RGS11: variants seen among roughly 807,000 people sequenced by gnomAD.
RGS11 encodes the protein regulator of G protein signaling 11.
In RGS11, 86 loss-of-function variants were observed where a neutral mutation model predicts 71.1. The ratio of observed to expected loss-of-function variants is 1.21; its 90% confidence interval spans 1.02 to 1.45. The LOEUF is 1.45. RGS11 is among the 40% of genes most tolerant of loss of function. The pLI is 0.00. For missense variants in RGS11, 734 were observed against 635.1 expected, an observed-to-expected ratio of 1.16 and a Z score of -1.67; for synonymous variants, 298 against 254.2, an observed-to-expected ratio of 1.17 and a Z score of -1.64.
chr16:272,755 C>T (rs1357645731), intron 9 of RGS11, 108 bp downstream of exon 9: 3 of 1,521,770 alleles, frequency 2.0e-6, no homozygotes, highest in African/African-American at 1.4e-5. Context: ...ACCAAGTGCC[C>T]TCTGGGTGGA....
chr16:274,121 C>T lies in RGS11; in HGVS notation c.371-20G>A, dbSNP rs898253698. 6.4e-7 allele frequency: 1 copy of T among 1,558,182 alleles called. No homozygotes were observed. The highest frequency in any genetic ancestry group is 8.7e-7 in the Non-Finnish European group (1 of 1,151,224). On this transcript the variant is annotated intron_variant, in intron 5 of 16. Coordinates refer to ENST00000397770, the MANE Select transcript of RGS11 (RefSeq NM_183337.3). Reference sequence around the variant, plus strand: ...AGATGGCTGGAAGAACAGGGACAGCCTGCAGAGGGGCCAGCTCTGCCCTGC... The same window carrying T: ...AGATGGCTGGAAGAACAGGGACAGCTTGCAGAGGGGCCAGCTCTGCCCTGC...
chr16:269,657 A>T, intron 15 of RGS11, 72 bp from the exon 16 acceptor site: 1 of 1,224,884 alleles, frequency 8.2e-7, no homozygotes, highest in Non-Finnish European at 1.2e-6. Context: ...CCGAAGGAGC[A>T]GCCAAACATT....
intron 15 of RGS11, 60 bp from the exon 16 acceptor site, chr16:269,645 A>C (rs2141399360): frequency 6.1e-6 from 8 of 1,317,188 alleles, no homozygotes; most frequent in Non-Finnish European, 7.6e-6. Flanking sequence ...AGCCAGCTCC[A>C]CCCGAAGGAG....
At chr16:269,648 C>A in intron 15 of RGS11, 63 bp from the exon 16 acceptor site, 2 of 1,301,346 alleles carry the variant, frequency 1.5e-6, no homozygotes, top group Admixed American at 1.8e-5. Flanking sequence ...CAGCTCCACC[C>A]GAAGGAGCAG....
chr16:269,596 C>A lies in RGS11; in HGVS notation c.1207-11G>T. The A allele has an allele frequency of 6.2e-7, 1 of 1,607,086 alleles. No individual in the cohort carries two copies. The highest frequency in any genetic ancestry group is 8.5e-7 in the Non-Finnish European group (1 of 1,174,434). On this transcript the variant is annotated splice_polypyrimidine_tract_variant and intron_variant, in intron 15 of 16. Coordinates refer to ENST00000397770, the MANE Select transcript of RGS11 (RefSeq NM_183337.3). ...CCTTGGGTAGGAGTCCTACAAGAGACAGCGTCCAGCCCCTGACCCTTCTGC... is the reference window on the plus strand; with the variant it reads ...CCTTGGGTAGGAGTCCTACAAGAGAAAGCGTCCAGCCCCTGACCCTTCTGC...
intron 1 of RGS11, 69 bp downstream of exon 1, chr16:275,780 C>A: frequency 2.1e-6 from 1 of 482,902 alleles, no homozygotes; most frequent in South Asian, 7.8e-5. Context: ...TGTCCCCATG[C>A]TCTCCGGCCC....
chr16:275,635 G>C (rs1353720223), intron 1 of RGS11, 137 bp from the exon 2 acceptor site: 3 of 800,044 alleles, frequency 3.7e-6, no homozygotes, highest in African/African-American at 4.3e-5. Flanking sequence ...AGCTGGCGGC[G>C]GGGACGCGGG....
intron 15 of RGS11, among the ~76,000 whole-genome samples, chr16:270,149 T>G (rs7501244): frequency 0.23 from 34,093 of 151,386 alleles, 6,945 homozygotes; most frequent in African/African-American, 0.54. Context: ...CTCAGGAGGC[T>G]GAGGCAGGAG....
At chr16:274,016 C>CT (rs1349520825) in intron 6 of RGS11, 27 bp downstream of exon 6, 2 of 1,358,224 alleles carry the variant, frequency 1.5e-6, no homozygotes, top group African/African-American at 3.4e-5. Context: ...TGTACCCAGC[C>CT]GGGGCGGGAA....
At position 268,621 on chromosome 16, in the gene RGS11, G is replaced by T; in HGVS notation, c.*648C>A. On this transcript the variant is annotated 3_prime_UTR_variant, in exon 17 of 17. Coordinates refer to ENST00000397770, the MANE Select transcript of RGS11 (RefSeq NM_183337.3). ...CAATGTCAGAGTTGTCTATAAATCGGGGGGGAGGCCGCGGCCTCGAGGTGG... is the reference window on the plus strand; with the variant it reads ...CAATGTCAGAGTTGTCTATAAATCGTGGGGGAGGCCGCGGCCTCGAGGTGG... The T allele has an allele frequency of 2.9e-6, 2 of 689,326 alleles. No homozygotes were observed. The highest frequency in any genetic ancestry group is 4.9e-6 in the Non-Finnish European group (2 of 404,486). The allele number at this position is 689,326 out of a possible 1,614,324, so 42.7% of individuals were successfully genotyped here.
intron 12 of RGS11, 33 bp from the exon 13 acceptor site, chr16:271,132 G>C: frequency 6.3e-7 from 1 of 1,598,110 alleles, no homozygotes; most frequent in Non-Finnish European, 8.6e-7. Flanking sequence ...GGGGAGGGTG[G>C]GGACTGACCC....
At chr16:274,782 TC>T in intron 4 of RGS11, 193 bp downstream of exon 4, 1 of 779,200 alleles carries the variant, frequency 1.3e-6, no homozygotes, top group Non-Finnish European at 2.2e-6. Context: ...CTCAGCCGGG[TC>T]CTTCTCACCA....
intron 13 of RGS11, 60 bp downstream of exon 13, chr16:270,924 G>T: frequency 6.4e-7 from 1 of 1,568,120 alleles, no homozygotes; most frequent in Non-Finnish European, 8.7e-7. Context: ...ACCGAGGCGG[G>T]AGGGGTCCCA....
chr16:269,468 A>G (rs1307641122), intron 16 of RGS11, 35 bp downstream of exon 16: 3 of 1,606,892 alleles, frequency 1.9e-6, no homozygotes, highest in Non-Finnish European at 2.6e-6. Flanking sequence ...CCCCCAGGCC[A>G]CAGCCGCCGG....
At chr16:274,602 G>T (rs2052082191) in intron 4 of RGS11, 1 of 597,074 alleles carries the variant, frequency 1.7e-6, no homozygotes, top group Admixed American at 2.3e-5. Context: ...CGGCAGGTCG[G>T]CCCGGGACCC....
At chr16:273,971 CG>C in intron 6 of RGS11, 71 bp downstream of exon 6, 2 of 1,342,582 alleles carry the variant, frequency 1.5e-6, no homozygotes, top group Non-Finnish European at 2.0e-6. Flanking sequence ...CGTGAAGCCC[CG>C]GGGGGCCGTG....
In RGS11 at chr16:268,771, T is replaced by C. The variant is rs1567232650; in HGVS notation, c.*498A>G. On this transcript the variant is annotated 3_prime_UTR_variant, in exon 17 of 17. Coordinates refer to ENST00000397770, the MANE Select transcript of RGS11 (RefSeq NM_183337.3). ...AGCACGGCACTCTCTTGGGTCCTCT[T>C]CCAGGCTCACACTGGGCGACAGCGG... 6.5e-7 allele frequency: 1 copy of C among 1,549,608 alleles called. No homozygotes were observed. Among genetic ancestry groups the C allele is most frequent in the South Asian group, 1.2e-5 (1 of 84,046 alleles).
In RGS11 at chr16:269,790, G is replaced by A. The variant is rs561526160; in HGVS notation, c.1207-205C>T. ...GGCTCCCGTCTGCCTGGGCCATGTC[G>A]CAGCAAAAAATGGCAAGAGCCCTGG... On this transcript the variant is annotated intron_variant, in intron 15 of 16. Coordinates refer to ENST00000397770, the MANE Select transcript of RGS11 (RefSeq NM_183337.3). The A allele has an allele frequency of 7.8e-4, 425 of 544,550 alleles. 3 individuals are homozygous for A. In the East Asian group the frequency reaches 0.012, roughly 16 times the overall value. The allele number at this position is 544,550 out of a possible 1,614,324, so 33.7% of individuals were successfully genotyped here.
At chr16:272,841 C>T in intron 9 of RGS11, 22 bp downstream of exon 9, 1 of 1,540,890 alleles carries the variant, frequency 6.5e-7, no homozygotes, top group East Asian at 2.4e-5. Flanking sequence ...AGAGGGCGGC[C>T]AGCACGCACG....
Sources: gnomAD v4.1 joint callset for allele counts (sites outside exome capture counted in the v4.1 genomes callset) on GRCh38, gnomAD v4.1.1 for gene constraint, MANE v1.5 for transcripts, NCBI Gene and HGNC (gene_info 2026-07-23, HGNC 2026-07-21) for gene names.